CEP78: variants seen among roughly 807,000 people sequenced by gnomAD.
CEP78 encodes the protein centrosomal protein 78, also known as centrosomal protein of 78 kDa.
CEP78 carries 76 observed loss-of-function variants against 81.2 expected under a neutral mutation model. That is an observed-to-expected ratio of 0.94 (90% CI 0.78 to 1.13). The LOEUF is 1.13. CEP78 is among the 50% of genes most tolerant of loss of function. The probability of loss-of-function intolerance (pLI) is 0.00; values close to 1 mark genes in which losing one functional copy is unlikely to be tolerated. For missense variants in CEP78, 918 were observed against 846.8 expected (o/e 1.08, Z -1.04); for synonymous variants, 293 against 301.4 (o/e 0.97, Z 0.29).
At chr9:78,259,336 G>C (rs922720885) in intron 11 of CEP78, among the ~76,000 whole-genome samples, 1 of 152,190 alleles carries the variant, frequency 6.6e-6, no homozygotes, top group Non-Finnish European at 1.5e-5. Flanking sequence ...TTAATTCTGG[G>C]AGAAGGAGAG....
intron 11 of CEP78, among the ~76,000 whole-genome samples, chr9:78,262,219 T>TA (rs59607804): frequency 2.0e-5 from 3 of 151,654 alleles, no homozygotes; most frequent in Non-Finnish European, 2.9e-5. Flanking sequence ...TTTTTTTTTT[T>TA]ACCAATCACA....
intron 11 of CEP78, among the ~76,000 whole-genome samples, chr9:78,257,393 G>A (rs966878643): frequency 2.0e-5 from 3 of 152,118 alleles, no homozygotes; most frequent in Non-Finnish European, 4.4e-5. Context: ...GACCTCCTGC[G>A]CTATACTTTT....
At position 78,272,650 on chromosome 9, in the gene CEP78, T is replaced by C. The variant is rs1045094911; in HGVS notation, c.*1799T>C. On this transcript the variant is annotated 3_prime_UTR_variant, in exon 17 of 17. Coordinates refer to ENST00000643273, the MANE Select transcript of CEP78 (RefSeq NM_001330691.3). ...TAAAATATATATAAAGTTAAGGGTA[T>C]GTTAGTAAGGATAGGTTAGGTGATG... 5.9e-5 allele frequency: 9 copies of C among 152,182 alleles called. No individual in the cohort carries two copies. The highest frequency in any genetic ancestry group is 1.2e-4 in the Non-Finnish European group (8 of 68,030). The allele number at this position is 152,182 out of a possible 1,614,324, so 9.4% of individuals were successfully genotyped here.
intron 8 of CEP78, among the ~76,000 whole-genome samples, chr9:78,251,086 T>C (rs528809156): frequency 6.6e-6 from 1 of 152,248 alleles, no homozygotes; most frequent in African/African-American, 2.4e-5. Flanking sequence ...GAAACAATTA[T>C]ATATTTAAGT....
rs550548294 is a variant in CEP78, at chr9:78,273,817, G to C, written c.*2966G>C. On this transcript the variant is annotated 3_prime_UTR_variant, in exon 17 of 17. Coordinates refer to ENST00000643273, the MANE Select transcript of CEP78 (RefSeq NM_001330691.3). ...AAATACAAGGAAAAATGGCCAGCCAGTTATAACAAGAAGCTTTAAGACATC... is the reference window on the plus strand; with the variant it reads ...AAATACAAGGAAAAATGGCCAGCCACTTATAACAAGAAGCTTTAAGACATC... 2 of 152,336 alleles carry C rather than the reference G, an allele frequency of 1.3e-5. No individual in the cohort carries two copies. The highest frequency in any genetic ancestry group is 4.8e-5 in the African/African-American group (2 of 41,576). The allele number at this position is 152,336 out of a possible 1,614,324, so 9.4% of individuals were successfully genotyped here. A position where few individuals can be genotyped will look rare whatever the true frequency, so the allele number is the denominator to read the frequency against.
intron 1 of CEP78, among the ~76,000 whole-genome samples, chr9:78,237,073 CG>C (rs1825988994): frequency 6.8e-6 from 1 of 147,268 alleles, no homozygotes; most frequent in South Asian, 2.2e-4. Flanking sequence ...CTCCGCCTCC[CG>C]GGTTCAAGTG....
rs35518970 is a variant in CEP78, at chr9:78,273,579, CAAA to C, written c.*2744_*2746del. 2 of 116,870 alleles carry C rather than the reference CAAA, an allele frequency of 1.7e-5. No homozygotes were observed. Among genetic ancestry groups the C allele is most frequent in the Non-Finnish European group, 1.8e-5 (1 of 56,304 alleles). 7.2% of individuals were successfully genotyped at this position (116,870 alleles called of 1,614,324 possible). Reference sequence around the variant, plus strand: ...CAAAACTCCGTCTCTACTAAAAATACAAAAAAAAAAAAAAAAAATTAGCTGGGT... The same window carrying C: ...CAAAACTCCGTCTCTACTAAAAATACAAAAAAAAAAAAAAATTAGCTGGGT... On this transcript the variant is annotated 3_prime_UTR_variant, in exon 17 of 17. Transcript: ENST00000643273.
intron 10 of CEP78, 33 bp from the exon 11 acceptor site, chr9:78,254,803 T>C: frequency 6.4e-7 from 1 of 1,567,968 alleles, no homozygotes; most frequent in Non-Finnish European, 8.7e-7. Flanking sequence ...ATTCGGTTTA[T>C]ATTATTATAC....
chr9:78,241,034 T>C (rs1826203135), intron 3 of CEP78, among the ~76,000 whole-genome samples: 2 of 152,154 alleles, frequency 1.3e-5, no homozygotes, highest in Non-Finnish European at 2.9e-5. Context: ...CACTGTGGTA[T>C]GTTCCAAAAT....
intron 11 of CEP78, among the ~76,000 whole-genome samples, chr9:78,260,771 C>G (rs1286577398): frequency 6.6e-6 from 1 of 151,248 alleles, no homozygotes; most frequent in Non-Finnish European, 1.5e-5. Context: ...GGAAGAATGT[C>G]TAACATAAAA....
chr9:78,277,391 C>T lies in CEP78; in HGVS notation c.*6540C>T, dbSNP rs893712338. On this transcript the variant is annotated 3_prime_UTR_variant, in exon 17 of 17. Coordinates refer to ENST00000643273, the MANE Select transcript of CEP78 (RefSeq NM_001330691.3). ...GAGTGGGAAAATACATGTAATAGAA[C>T]AGAAGATTTAAGATAATATAAAGAG... The T allele has an allele frequency of 6.6e-6, 1 of 151,792 alleles. No individual in the cohort carries two copies. The highest frequency in any genetic ancestry group is 1.5e-5 in the Non-Finnish European group (1 of 67,936). The allele number at this position is 151,792 out of a possible 1,614,324, so 9.4% of individuals were successfully genotyped here.
chr9:78,248,205 A>G (rs1304785640), intron 6 of CEP78, 86 bp from the exon 7 acceptor site: 6 of 721,184 alleles, frequency 8.3e-6, no homozygotes, highest in Non-Finnish European at 1.5e-5. Context: ...GGGAAAAAGC[A>G]ATAATTGGTT....
In CEP78 at chr9:78,248,959, A is replaced by G. The variant is rs969141353; in HGVS notation, c.1069+86A>G. ...TCTCTTCTCATTGTATGATATTGAC[A>G]GTAACAACCAATATTGACTCCGTGC... On this transcript the variant is annotated intron_variant, in intron 8 of 16. Coordinates refer to ENST00000643273, the MANE Select transcript of CEP78 (RefSeq NM_001330691.3). 7.8e-5 allele frequency: 46 copies of G among 592,892 alleles called. 1 individual carries two copies. Among genetic ancestry groups the G allele is most frequent in the Non-Finnish European group, 1.2e-4 (42 of 341,922 alleles). The allele number at this position is 592,892 out of a possible 1,614,324, so 36.7% of individuals were successfully genotyped here. A position where few individuals can be genotyped will look rare whatever the true frequency, so the allele number is the denominator to read the frequency against.
rs989172207 is a variant in CEP78, at chr9:78,273,424, A to G, written c.*2573A>G. 2 of 152,174 alleles carry G rather than the reference A, an allele frequency of 1.3e-5. No individual in the cohort carries two copies. Among genetic ancestry groups the G allele is most frequent in the Non-Finnish European group, 2.9e-5 (2 of 68,026 alleles). The allele number at this position is 152,174 out of a possible 1,614,324, so 9.4% of individuals were successfully genotyped here. On this transcript the variant is annotated 3_prime_UTR_variant, in exon 17 of 17. Transcript: ENST00000643273. The stretch of plus-strand genomic sequence containing the variant: ...GTTGCAGAAGATTTTTTAAAAAAAT[A>G]TATCTGCAATTTAAAAACTTGATGT...
At chr9:78,265,342 G>T in intron 13 of CEP78, 30 bp from the exon 14 acceptor site, 5 of 1,543,714 alleles carry the variant, frequency 3.2e-6, no homozygotes, top group Admixed American at 2.2e-5. Flanking sequence ...AGTAATCCTT[G>T]CCTTTTCCTC....
intron 15 of CEP78, 148 bp from the exon 16 acceptor site, chr9:78,266,294 A>T: frequency 1.6e-6 from 1 of 609,368 alleles, no homozygotes; most frequent in South Asian, 2.2e-5. Flanking sequence ...TAGCTAAGTT[A>T]AGTTGGCAAT....
chr9:78,266,047 C>T, intron 15 of CEP78, 141 bp downstream of exon 15: 1 of 602,638 alleles, frequency 1.7e-6, no homozygotes, highest in South Asian at 2.2e-5. Context: ...TTCCTCTGGC[C>T]TTACTTGGAG....
intron 8 of CEP78, chr9:78,250,234 T>G: frequency 2.5e-6 from 1 of 398,240 alleles, no homozygotes; most frequent in East Asian, 3.6e-5. Flanking sequence ...GCTTTTTTTG[T>G]ATTTGCCTCA....
Position 78,254,906 on chromosome 9 carries a change from C to A in CEP78, c.1322C>A (p.Ser441Tyr). 1 of 1,611,310 alleles carries A rather than the reference C, an allele frequency of 6.2e-7. No homozygotes were observed. Among genetic ancestry groups the A allele is most frequent in the Non-Finnish European group, 8.5e-7 (1 of 1,177,938 alleles). ...SSSEVEEVDD[S>Y]SESVHEVPEK... ...TCTGAAGTTGAAGAGGTTGATGATT[C>A]TTCAGAGAGTGTTCATGAAGTGCCT... Residue 441 changes from serine to tyrosine, a missense_variant, in exon 11 of 17, where the codon TCT (serine) becomes TAT (tyrosine). Ser to Tyr is a moderately radical substitution (Grantham distance 144). Coordinates refer to ENST00000643273, the MANE Select transcript of CEP78 (RefSeq NM_001330691.3).
Sources: allele counts gnomAD v4.1 joint callset (sites outside exome capture counted in the v4.1 genomes callset), GRCh38; gene constraint gnomAD v4.1.1; transcripts MANE v1.5; gene names NCBI Gene and HGNC (gene_info 2026-07-23, HGNC 2026-07-21).